The following RPAP2 variants were observed in gnomAD, a reference collection of about 807,000 sequenced individuals.
RPAP2 encodes the protein putative RNA polymerase II subunit B1 CTD phosphatase RPAP2.
RPAP2 carries 52 observed loss-of-function variants against 73.1 expected under a neutral mutation model. That is an observed-to-expected ratio of 0.71 (90% confidence interval 0.57 to 0.90). RPAP2 has a LOEUF of 0.90. Ranked by LOEUF, RPAP2 falls within the 40% of genes least tolerant of loss-of-function variation. The pLI is 0.00. For missense variants in RPAP2, 598 were observed against 701.8 expected, an observed-to-expected ratio of 0.85 and a Z score of 1.67; for synonymous variants, 225 against 242.1, an observed-to-expected ratio of 0.93 and a Z score of 0.65.
chr1:92,313,009 G>A (rs893433559), intron 6 of RPAP2, among the ~76,000 whole-genome samples: 1 of 152,076 alleles, frequency 6.6e-6, no homozygotes, highest in Non-Finnish European at 1.5e-5. Context: ...GGGACCACAG[G>A]CATGCGCCAC....
At position 92,324,453 on chromosome 1, in the gene RPAP2, G is replaced by T. The variant is rs1012335514; in HGVS notation, c.1455+78G>T. 1.5e-5 allele frequency: 16 copies of T among 1,075,100 alleles called. No homozygotes were observed. The African/African-American group carries it at 2.4e-4, about 16-fold the overall frequency. 66.6% of individuals were successfully genotyped at this position (1,075,100 alleles called of 1,614,324 possible). A position where few individuals can be genotyped will look rare whatever the true frequency, so the allele number is the denominator to read the frequency against. ...ACCACAGCAAATCTTGGAGCAGGAA[G>T]GATATTGAAGAGTTAATTGTTAAAT... is the stretch of plus-strand genomic sequence containing the variant. On this transcript the variant is annotated intron_variant, in intron 8 of 12. Coordinates refer to ENST00000610020, the MANE Select transcript of RPAP2 (RefSeq NM_024813.3).
chr1:92,319,743 A>G (rs1261880023), intron 6 of RPAP2, among the ~76,000 whole-genome samples: 1 of 152,232 alleles, frequency 6.6e-6, no homozygotes, highest in Non-Finnish European at 1.5e-5. Flanking sequence ...TCATGCCTAT[A>G]ATCCCAGCAC....
intron 11 of RPAP2, among the ~76,000 whole-genome samples, chr1:92,361,322 G>A (rs1234120805): frequency 1.3e-5 from 2 of 151,990 alleles, no homozygotes; most frequent in Non-Finnish European, 2.9e-5. Context: ...TACATTGTCT[G>A]GATTACTTTT....
At chr1:92,368,294 G>A (rs184247561) in intron 11 of RPAP2, among the ~76,000 whole-genome samples, 31 of 152,174 alleles carry the variant, frequency 2.0e-4, no homozygotes, top group Admixed American at 5.9e-4. Context: ...CAGGAGAATC[G>A]CCTGAACCCA....
chr1:92,345,397 AAAAAGAG>A (rs1369586958), intron 10 of RPAP2, among the ~76,000 whole-genome samples: 5 of 146,970 alleles, frequency 3.4e-5, no homozygotes, highest in African/African-American at 1.0e-4. Flanking sequence ...AAAAAAAAAA[AAAAAGAG>A]AGAGAGAGAA....
chr1:92,326,978 G>A (rs1652670335), intron 8 of RPAP2, among the ~76,000 whole-genome samples: 1 of 152,186 alleles, frequency 6.6e-6, no homozygotes, highest in African/African-American at 2.4e-5. Context: ...GAGACTTCCT[G>A]TTCATTTGGA....
At chr1:92,364,939 G>T (rs1654878610) in intron 11 of RPAP2, among the ~76,000 whole-genome samples, 1 of 152,092 alleles carries the variant, frequency 6.6e-6, no homozygotes, top group Non-Finnish European at 1.5e-5. Context: ...GAAATTCAAG[G>T]CCCTTCAGAA....
chr1:92,378,272 TC>T (rs1376396425), intron 11 of RPAP2, among the ~76,000 whole-genome samples: 1 of 152,208 alleles, frequency 6.6e-6, no homozygotes, highest in Non-Finnish European at 1.5e-5. Flanking sequence ...CGGTGTGATC[TC>T]TGCTCACTGC....
intron 5 of RPAP2, among the ~76,000 whole-genome samples, chr1:92,305,742 TATCAGTA>T (rs1422271698): frequency 1.3e-5 from 2 of 152,110 alleles, no homozygotes; most frequent in African/African-American, 4.8e-5. Context: ...TGCTAAATAT[TATCAGTA>T]ATCAGAGAAA....
chr1:92,326,347 C>G (rs1201013167), intron 8 of RPAP2, among the ~76,000 whole-genome samples: 1 of 152,190 alleles, frequency 6.6e-6, no homozygotes, highest in Non-Finnish European at 1.5e-5. Flanking sequence ...ATACCAGCAC[C>G]TGCTCTGGTG....
chr1:92,358,613 G>A (rs948365576), intron 11 of RPAP2, among the ~76,000 whole-genome samples: 10 of 151,776 alleles, frequency 6.6e-5, no homozygotes, highest in South Asian at 6.2e-4. Context: ...TTTGAGACAG[G>A]GTCTCGCTCT....
chr1:92,304,130 A>C, intron 4 of RPAP2, 55 bp downstream of exon 4: 1 of 1,371,204 alleles, frequency 7.3e-7, no homozygotes, highest in African/African-American at 1.5e-5. Context: ...ATTTAGCAAA[A>C]TACTTTGTTG....
intron 6 of RPAP2, among the ~76,000 whole-genome samples, chr1:92,318,808 A>G (rs1430451064): frequency 5.3e-5 from 8 of 152,304 alleles, no homozygotes; most frequent in Non-Finnish European, 1.0e-4. Context: ...AATATCTATG[A>G]GCAGTCTTAT....
chr1:92,328,477 C>A (rs1193929210), intron 8 of RPAP2, among the ~76,000 whole-genome samples: 1 of 152,112 alleles, frequency 6.6e-6, no homozygotes, highest in Admixed American at 6.5e-5. Flanking sequence ...CTAAGTATGT[C>A]CTTCATTTCC....
chr1:92,309,303 G>A (rs1044252148), intron 6 of RPAP2, among the ~76,000 whole-genome samples: 9 of 151,666 alleles, frequency 5.9e-5, no homozygotes, highest in South Asian at 2.1e-4. Flanking sequence ...TTAGCTGGAC[G>A]TGGTGACACA....
Position 92,397,168 on chromosome 1 carries a change from T to G in RPAP2, c.*10157T>G, listed in dbSNP as rs537200248. 1 of 152,116 alleles carries G rather than the reference T, an allele frequency of 6.6e-6. No homozygotes were observed. Among genetic ancestry groups the G allele is most frequent in the Admixed American group, 6.6e-5 (1 of 15,240 alleles). The allele number at this position is 152,116 out of a possible 1,614,324, so 9.4% of individuals were successfully genotyped here. ...CTTTGGGAAGCCAAGATGGGCTGAT[T>G]GCTTGAGTCCAGGAGTTTGAGACCA... is the stretch of plus-strand genomic sequence containing the variant. On this transcript the variant is annotated 3_prime_UTR_variant, in exon 13 of 13. Transcript: ENST00000610020.
intron 2 of RPAP2, among the ~76,000 whole-genome samples, chr1:92,300,902 T>C (rs1571010103): frequency 6.6e-6 from 1 of 152,086 alleles, no homozygotes; most frequent in South Asian, 2.1e-4. Flanking sequence ...TAAATAATAA[T>C]AAATTAATTA....
chr1:92,347,412 T>G (rs1327263018), intron 11 of RPAP2, among the ~76,000 whole-genome samples: 1 of 152,192 alleles, frequency 6.6e-6, no homozygotes, highest in African/African-American at 2.4e-5. Flanking sequence ...GTTCTGCAAT[T>G]CATTATACTA....
At chr1:92,340,629 A>C (rs535654788) in intron 10 of RPAP2, among the ~76,000 whole-genome samples, 31 of 152,334 alleles carry the variant, frequency 2.0e-4, no homozygotes, top group African/African-American at 7.5e-4. Flanking sequence ...TTGGGCTCAG[A>C]CATTAGTATT....
Sources: allele counts gnomAD v4.1 joint callset (sites outside exome capture counted in the v4.1 genomes callset), GRCh38; gene constraint gnomAD v4.1.1; transcripts MANE v1.5; gene names NCBI Gene and HGNC (gene_info 2026-07-23, HGNC 2026-07-21).